The following SLC17A8 variants were observed in gnomAD, a reference collection of about 807,000 sequenced individuals.
The protein encoded by SLC17A8 is vesicular glutamate transporter 3.
In SLC17A8, 31 loss-of-function variants were observed where a neutral mutation model predicts 58.0. The observed-to-expected ratio is 0.53, with a 90% CI of 0.40 to 0.72. The LOEUF (loss-of-function observed/expected upper bound fraction) is 0.72, where lower values mean the gene tolerates loss of function less well. Ranked by LOEUF, SLC17A8 falls within the 30% of genes least tolerant of loss-of-function variation. SLC17A8 has a pLI of 0.00. For missense variants in SLC17A8, 655 were observed against 727.8 expected, an observed-to-expected ratio of 0.90 and a Z score of 1.15; for synonymous variants, 228 against 249.0, an observed-to-expected ratio of 0.92 and a Z score of 0.79.
chr12:100,383,876 A>C (rs1036850246), intron 2 of SLC17A8, among the ~76,000 whole-genome samples: 1 of 152,058 alleles, frequency 6.6e-6, no homozygotes, highest in Non-Finnish European at 1.5e-5. Flanking sequence ...CTAATTAAAA[A>C]AAATTTTTTT....
At chr12:100,359,457 G>A (rs1952469766) in intron 1 of SLC17A8, among the ~76,000 whole-genome samples, 1 of 152,146 alleles carries the variant, frequency 6.6e-6, no homozygotes, top group Non-Finnish European at 1.5e-5. Flanking sequence ...ATTGGGCTAT[G>A]TGTCTAGGAC....
intron 11 of SLC17A8, among the ~76,000 whole-genome samples, chr12:100,418,663 G>A (rs1025332941): frequency 1.3e-5 from 2 of 152,186 alleles, no homozygotes; most frequent in Non-Finnish European, 2.9e-5. Flanking sequence ...GATGGTAGAG[G>A]CAGATCCATC....
At chr12:100,408,055 G>T (rs1952839344) in intron 9 of SLC17A8, among the ~76,000 whole-genome samples, 1 of 152,190 alleles carries the variant, frequency 6.6e-6, no homozygotes, top group African/African-American at 2.4e-5. Flanking sequence ...TGTGCCATCA[G>T]TGAAGAATGC....
In SLC17A8 at chr12:100,421,256, G is replaced by A. The variant is rs1037088367; in HGVS notation, c.*1097G>A. ...AAAGAATTTTCTATTTTTAAAAAATGTATCTCTTTAGCCTTTTCTGCTGGA... is the reference window on the plus strand; with the variant it reads ...AAAGAATTTTCTATTTTTAAAAAATATATCTCTTTAGCCTTTTCTGCTGGA... On this transcript the variant is annotated 3_prime_UTR_variant, in exon 12 of 12. Coordinates refer to ENST00000323346, the MANE Select transcript of SLC17A8 (RefSeq NM_139319.3). 1 of 152,054 alleles carries A rather than the reference G, an allele frequency of 6.6e-6. No homozygotes were observed. Among genetic ancestry groups the A allele is most frequent in the Admixed American group, 6.6e-5 (1 of 15,242 alleles). The allele number at this position is 152,054 out of a possible 1,614,324, so 9.4% of individuals were successfully genotyped here. A position where few individuals can be genotyped will look rare whatever the true frequency, so the allele number is the denominator to read the frequency against.
chr12:100,414,582 C>T (rs1322521186), intron 10 of SLC17A8, among the ~76,000 whole-genome samples: 1 of 152,156 alleles, frequency 6.6e-6, no homozygotes, highest in Non-Finnish European at 1.5e-5. Context: ...TATTTCCCCG[C>T]ACTTCTTGTG....
At chr12:100,399,752 T>G (rs1003185722) in intron 5 of SLC17A8, among the ~76,000 whole-genome samples, 8 of 152,170 alleles carry the variant, frequency 5.3e-5, no homozygotes, top group African/African-American at 1.7e-4. Context: ...CAATTTGAGA[T>G]GCAATTTGGG....
intron 1 of SLC17A8, among the ~76,000 whole-genome samples, chr12:100,373,444 T>A (rs1018507635): frequency 2.6e-5 from 4 of 152,072 alleles, no homozygotes; most frequent in Non-Finnish European, 5.9e-5. Context: ...CTGGAATTGA[T>A]CCACCAATTC....
intron 9 of SLC17A8, among the ~76,000 whole-genome samples, chr12:100,411,087 T>A (rs1952864172): frequency 1.3e-5 from 2 of 152,112 alleles, no homozygotes; most frequent in Admixed American, 1.3e-4. Context: ...ACACAGAATA[T>A]GGAAGATTAA....
chr12:100,419,464 C>A (rs776646398), intron 11 of SLC17A8, among the ~76,000 whole-genome samples: 1 of 150,204 alleles, frequency 6.7e-6, no homozygotes, highest in African/African-American at 2.5e-5. Context: ...ACCCAGGAGG[C>A]GGAGCTTGCA....
At chr12:100,419,696 C>G in intron 11 of SLC17A8, 119 bp from the exon 12 acceptor site, 2 of 939,290 alleles carry the variant, frequency 2.1e-6, no homozygotes, top group Admixed American at 2.0e-5. Flanking sequence ...GCCCAAGGAG[C>G]CTCTAGAGCA....
intron 2 of SLC17A8, among the ~76,000 whole-genome samples, chr12:100,388,339 G>A (rs1008763460): frequency 3.3e-5 from 5 of 152,102 alleles, no homozygotes; most frequent in South Asian, 2.1e-4. Context: ...GCCTGTAATT[G>A]TTTATCACCT....
chr12:100,389,055 T>A (rs1297912202), intron 2 of SLC17A8, among the ~76,000 whole-genome samples: 1 of 152,218 alleles, frequency 6.6e-6, no homozygotes, highest in Non-Finnish European at 1.5e-5. Context: ...AGTTCAATTT[T>A]CGGGATTCAG....
At chr12:100,403,727 A>G (rs1357178954) in intron 8 of SLC17A8, among the ~76,000 whole-genome samples, 1 of 152,208 alleles carries the variant, frequency 6.6e-6, no homozygotes, top group East Asian at 1.9e-4. Flanking sequence ...GGTGGCTGTC[A>G]TCAGTCATCA....
intron 9 of SLC17A8, among the ~76,000 whole-genome samples, chr12:100,410,955 C>T (rs11110370): frequency 0.4 from 61,318 of 152,058 alleles, 13,074 homozygotes; most frequent in Non-Finnish European, 0.47. Flanking sequence ...GGCTGTGGTA[C>T]TATCTCCAGC....
chr12:100,394,881 T>C (rs890232293), intron 4 of SLC17A8, among the ~76,000 whole-genome samples: 4 of 148,092 alleles, frequency 2.7e-5, no homozygotes. Context: ...ATAGTGTATG[T>C]ATATAATATA....
intron 2 of SLC17A8, among the ~76,000 whole-genome samples, chr12:100,387,678 T>G (rs1337894568): frequency 6.6e-6 from 1 of 152,210 alleles, no homozygotes; most frequent in African/African-American, 2.4e-5. Context: ...AAAGAAGTCT[T>G]GTCTCTCCTT....
chr12:100,411,859 T>A (rs999385038), intron 9 of SLC17A8, among the ~76,000 whole-genome samples: 1 of 146,404 alleles, frequency 6.8e-6, no homozygotes, highest in African/African-American at 2.5e-5. Flanking sequence ...TTTTTTTTTT[T>A]TAAGAGGCCT....
At position 100,418,063 on chromosome 12, in the gene SLC17A8, C is replaced by G. The variant is rs139507349; in HGVS notation, c.1332C>G (p.Arg444=). 7.1e-5 allele frequency: 114 copies of G among 1,614,090 alleles called. No individual in the cohort carries two copies. Among genetic ancestry groups the G allele is most frequent in the Non-Finnish European group, 8.7e-5 (103 of 1,180,042 alleles). The change falls in exon 11 of 12, where the codon CGC becomes CGG. Residue 444 remains arginine, a synonymous_variant. Transcript: ENST00000323346. ...FNVNHLDIAP[R]YASILMGISN... ...TCAACCACCTGGACATTGCCCCACG[C>G]TATGCCAGCATTCTCATGGGGATCT...
At position 100,419,854 on chromosome 12, in the gene SLC17A8, C is replaced by A; in HGVS notation, c.1465C>A (p.Leu489Met). ...EWQNVFLIAALVHYSGVIFYG... is the reference protein window; with the variant it reads ...EWQNVFLIAAMVHYSGVIFYG... ...GCAGAATGTGTTCCTCATAGCTGCC[C>A]TGGTGCATTACAGTGGTGTGATCTT... The change falls in exon 12 of 12, where the codon CTG (leucine) becomes ATG (methionine). Residue 489 changes from leucine (L) to methionine (M), a missense_variant. By Grantham distance (15) the Leu-to-Met change is conservative (BLOSUM62 2). Coordinates refer to ENST00000323346, the MANE Select transcript of SLC17A8 (RefSeq NM_139319.3). 6.2e-7 allele frequency: 1 copy of A among 1,613,968 alleles called. No homozygotes were observed.
Sources: allele counts gnomAD v4.1 joint callset (sites outside exome capture counted in the v4.1 genomes callset), GRCh38; gene constraint gnomAD v4.1.1; transcripts MANE v1.5; gene names NCBI Gene and HGNC (gene_info 2026-07-23, HGNC 2026-07-21).